RFT1: variants seen among roughly 807,000 people sequenced by gnomAD.
RFT1 encodes RFT1 glycolipid translocator homolog, also known as man(5)GlcNAc(2)-PP-dolichol translocation protein RFT1.
RFT1 carries 43 observed loss-of-function variants against 62.2 expected under a neutral mutation model. That is an observed-to-expected ratio of 0.69 (90% CI 0.54 to 0.89). The LOEUF is 0.89. Ranked by LOEUF, RFT1 falls within the 40% of genes least tolerant of loss-of-function variation. The pLI is 0.00. For missense variants in RFT1, 605 were observed against 649.9 expected (o/e 0.93, Z 0.75); for synonymous variants, 262 against 264.6 (o/e 0.99, Z 0.10).
chr3:53,076,000 T>TG, the RFT1 span, among the ~76,000 whole-genome samples: 1 of 151,960 alleles, frequency 6.6e-6, no homozygotes, highest in Non-Finnish European at 1.5e-5. Context: ...TCTGCCTGGG[T>TG]GGGGGATGGA....
Position 53,123,793 on chromosome 3 carries a change from A to G in RFT1, c.197T>C (p.Phe66Ser). The G allele has an allele frequency of 6.2e-7, 1 of 1,614,230 alleles. No homozygotes were observed. Among genetic ancestry groups the G allele is most frequent in the Non-Finnish European group, 8.5e-7 (1 of 1,180,024 alleles). ...STTLFLAREA[F>S]RRACLSGGTQ... ...GCCCCCACTGAGACATGCTCTGCGG[A>G]AGGCCTCTCTGGCCAGGAAGAGGGT... is the stretch of plus-strand genomic sequence containing the variant. Residue 66 changes from phenylalanine (F) to serine (S), a missense_variant, in exon 3 of 13, where the codon TTC (phenylalanine) becomes TCC (serine). Transcript: ENST00000296292.
intron 5 of RFT1, 127 bp from the exon 6 acceptor site, chr3:53,120,148 C>A (rs1701929784): frequency 1.3e-6 from 1 of 784,556 alleles, no homozygotes; most frequent in Non-Finnish European, 1.9e-6. Flanking sequence ...CAATGCCTTA[C>A]CCTCTGGGAA....
rs9868406 is a variant in RFT1 at position 53,130,177 on chromosome 3, C to T, written c.63+161G>A. On this transcript the variant is annotated intron_variant, in intron 1 of 12. Transcript: ENST00000296292. ...TCCTATCTCCGGGCCAGGGTCCCCCCTCATCAATGCCACCGTCTCCGGTCG... is the reference window on the plus strand; with the variant it reads ...TCCTATCTCCGGGCCAGGGTCCCCCTTCATCAATGCCACCGTCTCCGGTCG... 0.26 allele frequency among the ~76,000 whole-genome samples: 39,536 copies of T among 152,200 alleles called. 5,518 individuals carry two copies. The highest frequency in any genetic ancestry group is 0.42 in the Middle Eastern group (123 of 294).
In RFT1 at chr3:53,089,379, T is replaced by A. The variant is rs968167427; in HGVS notation, c.*2524A>T. 4.6e-5 allele frequency: 7 copies of A among 152,246 alleles called. No homozygotes were observed. The highest frequency in any genetic ancestry group is 1.7e-4 in the African/African-American group (7 of 41,436). 9.4% of individuals were successfully genotyped at this position (152,246 alleles called of 1,614,324 possible). On this transcript the variant is annotated 3_prime_UTR_variant, in exon 13 of 13. Transcript: ENST00000296292. ...TGTTCTTCTCACCAACGAATGCTCC[T>A]TCCTTTCATAAAGGTTGTGCCTCAG...
At chr3:53,102,100 C>T (rs575279852) in intron 10 of RFT1, among the ~76,000 whole-genome samples, 12 of 151,508 alleles carry the variant, frequency 7.9e-5, no homozygotes, top group Non-Finnish European at 1.3e-4. Context: ...GAGATGATGA[C>T]GTGAAGAGCG....
In RFT1 at chr3:53,122,443, CGA is replaced by C; in HGVS notation, c.385_386del (p.Ser129GlyfsTer34). 1 of 1,614,030 alleles carries C rather than the reference CGA, an allele frequency of 6.2e-7. No homozygotes were observed. The highest frequency in any genetic ancestry group is 8.5e-7 in the Non-Finnish European group (1 of 1,180,004). On this transcript the variant is annotated frameshift_variant, in exon 4 of 13. Coordinates refer to ENST00000296292, the MANE Select transcript of RFT1 (RefSeq NM_052859.4). LOFTEE classifies it high-confidence loss of function. ...GCTCTCCTAGAAGCTCCACCACTGC[CGA>C]GAGACCAAACAGCACCACTCCAGTT... is the stretch of plus-strand genomic sequence containing the variant. ...YATGVVLFGL[S>X]AVVELLGEPF...
downstream of RFT1, among the ~76,000 whole-genome samples, chr3:53,083,816 A>C (rs1700804564): frequency 6.6e-6 from 1 of 152,370 alleles, no homozygotes; most frequent in Admixed American, 6.5e-5. Flanking sequence ...CGACATCTGC[A>C]CATCTGCGAG....
At chr3:53,078,490 T>A in the RFT1 span, among the ~76,000 whole-genome samples, 1 of 152,214 alleles carries the variant, frequency 6.6e-6, no homozygotes, top group Non-Finnish European at 1.5e-5. Flanking sequence ...GGCTCACGCC[T>A]GTAATCCCAG....
Position 53,130,354 on chromosome 3 carries a change from G to C in RFT1, c.47C>G (p.Ser16Cys), listed in dbSNP as rs148716754. ...AGAGAGTACCTGCAGGAGGAGACCG[G>C]AGGAGGCCAGCCGGGCCGCGTGGCC... Reference protein sequence around the residue: ...VLGHAARLASSGLLLQVLFRL... With the variant: ...VLGHAARLASCGLLLQVLFRL... Residue 16 changes from serine to cysteine, a missense_variant, in exon 1 of 13, where the codon TCC becomes TGC. Coordinates refer to ENST00000296292, the MANE Select transcript of RFT1 (RefSeq NM_052859.4). 1,624 of 1,568,914 alleles carry C rather than the reference G, an allele frequency of 1.0e-3. 2 individuals are homozygous for C. Among genetic ancestry groups the C allele is most frequent in the Non-Finnish European group, 1.3e-3 (1,498 of 1,157,460 alleles).
At position 53,098,872 on chromosome 3, in the gene RFT1, C is replaced by CA. The variant is rs201838450; in HGVS notation, c.1208+508dup. 4.2e-3 allele frequency among the ~76,000 whole-genome samples: 619 copies of CA among 146,382 alleles called. 6 individuals carry two copies. The highest frequency in any genetic ancestry group is 0.014 in the African/African-American group (574 of 39,844). On this transcript the variant is annotated intron_variant, in intron 11 of 12. Coordinates refer to ENST00000296292, the MANE Select transcript of RFT1 (RefSeq NM_052859.4). ...CAGGACAGGAATCCTGATCTGGAGT[C>CA]AAGAGTTGAGAAAAAATTATGGCAA...
At chr3:53,114,318 G>C (rs1701734082) in intron 6 of RFT1, among the ~76,000 whole-genome samples, 1 of 152,194 alleles carries the variant, frequency 6.6e-6, no homozygotes, top group East Asian at 1.9e-4. Context: ...TGCAGGTTGT[G>C]AATGGATTTG....
In RFT1 at chr3:53,098,755, C is replaced by T. The variant is rs549362414; in HGVS notation, c.1208+626G>A. 3.5e-4 allele frequency among the ~76,000 whole-genome samples: 46 copies of T among 131,270 alleles called. No individual in the cohort carries two copies. The South Asian group carries it at 0.01, about 30-fold the overall frequency. 86.1% of individuals were successfully genotyped at this position (131,270 alleles called of 152,430 possible). A position where few individuals can be genotyped will look rare whatever the true frequency, so the allele number is the denominator to read the frequency against. On this transcript the variant is annotated intron_variant, in intron 11 of 12. Coordinates refer to ENST00000296292, the MANE Select transcript of RFT1 (RefSeq NM_052859.4). Reference sequence around the variant, plus strand: ...AGGCAGAGCTTGCAGTGAGCAGAGACTGCGCCACTGCACTCAAGCCTGGGC... The same window carrying T: ...AGGCAGAGCTTGCAGTGAGCAGAGATTGCGCCACTGCACTCAAGCCTGGGC...
At chr3:53,079,812 T>G in the RFT1 span, among the ~76,000 whole-genome samples, 3 of 151,994 alleles carry the variant, frequency 2.0e-5, no homozygotes, top group Non-Finnish European at 2.9e-5. Flanking sequence ...TACATCCCAG[T>G]GAAGTAAAAA....
Position 53,122,553 on chromosome 3 carries a change from C to A in RFT1, c.277G>T (p.Gly93Cys). ...LNLLWLTVPL[G>C]VFWSLFLGWI... Reference sequence around the variant, plus strand: ...CCCAGGAATAAGGACCAAAACACACCCAGGGGGACTCTAGAAGAGGAGAAA... The same window carrying A: ...CCCAGGAATAAGGACCAAAACACACACAGGGGGACTCTAGAAGAGGAGAAA... Residue 93 changes from glycine to cysteine, a missense_variant, in exon 4 of 13, where the codon GGT becomes TGT. Physicochemically the swap from Gly to Cys is radical, Grantham distance 159. Transcript: ENST00000296292. 1 of 1,606,526 alleles carries A rather than the reference C, an allele frequency of 6.2e-7. No homozygotes were observed. The highest frequency in any genetic ancestry group is 8.5e-7 in the Non-Finnish European group (1 of 1,175,578).
chr3:53,097,729 C>T (rs1270964210), intron 11 of RFT1, among the ~76,000 whole-genome samples: 1 of 152,252 alleles, frequency 6.6e-6, no homozygotes, highest in Admixed American at 6.5e-5. Flanking sequence ...CTGCTCTTTC[C>T]ACTCTAACAG....
Position 53,091,463 on chromosome 3 carries a change from T to G in RFT1, c.*440A>C. ...CCATGTGGTGCATGAGAGAGAGAGG[T>G]TTCTCTCTCTCTTTTACAGAAGAAG... On this transcript the variant is annotated 3_prime_UTR_variant, in exon 13 of 13. Transcript: ENST00000296292. The G allele has an allele frequency of 1.0e-5, 2 of 200,132 alleles. No homozygotes were observed. The highest frequency in any genetic ancestry group is 1.2e-4 in the East Asian group (1 of 8,376). 12.4% of individuals were successfully genotyped at this position (200,132 alleles called of 1,614,324 possible).
chr3:53,109,892 C>G (rs1224569322), intron 7 of RFT1, among the ~76,000 whole-genome samples: 1 of 152,118 alleles, frequency 6.6e-6, no homozygotes, highest in African/African-American at 2.4e-5. Context: ...AAAAATATAT[C>G]GAATCTGAGG....
chr3:53,084,871 C>A (rs995495364), downstream of RFT1, among the ~76,000 whole-genome samples: 1 of 152,178 alleles, frequency 6.6e-6, no homozygotes, highest in Non-Finnish European at 1.5e-5. Context: ...TGTTATGTCA[C>A]GGGTCCCCAT....
chr3:53,105,724 T>C lies in RFT1; in HGVS notation c.906A>G (p.Ile302Met). The change falls in exon 9 of 13, where the codon ATA becomes ATG. Residue 302 changes from isoleucine to methionine, a missense_variant. By Grantham distance (10) the Ile-to-Met change is conservative. Coordinates refer to ENST00000296292, the MANE Select transcript of RFT1 (RefSeq NM_052859.4). ...CCCTCTCCAGCACCTTAGCAAAAAA[T>C]ATATAAAAACTTTCCTCTATTGGCT... ...IFQPIEESFY[I>M]FFAKVLERGK... is the part of the protein sequence containing the mutation. 1.2e-6 allele frequency: 2 copies of C among 1,613,802 alleles called. No individual in the cohort carries two copies. Among genetic ancestry groups the C allele is most frequent in the Non-Finnish European group, 1.7e-6 (2 of 1,179,870 alleles).
Sources: allele counts gnomAD v4.1 joint callset (sites outside exome capture counted in the v4.1 genomes callset), GRCh38; gene constraint gnomAD v4.1.1; transcripts MANE v1.5; gene names NCBI Gene and HGNC (gene_info 2026-07-23, HGNC 2026-07-21).